FRMD4B: variants seen among roughly 807,000 people sequenced by gnomAD.
The protein encoded by FRMD4B is FERM domain containing 4B, also known as FERM domain-containing protein 4B.
FRMD4B carries 74 observed loss-of-function variants against 141.5 expected under a neutral mutation model. That is an observed-to-expected ratio of 0.52 (90% CI 0.43 to 0.63). FRMD4B has a LOEUF of 0.63. FRMD4B is among the 30% of genes least tolerant of loss of function. FRMD4B has a pLI of 0.00. For missense variants in FRMD4B, 1,366 were observed against 1,253.4 expected (o/e 1.09, Z -1.36); for synonymous variants, 506 against 467.9 (o/e 1.08, Z -1.05).
chr3:69,532,740 T>C (rs896591987), intron 1 of FRMD4B, among the ~76,000 whole-genome samples: 8 of 152,232 alleles, frequency 5.3e-5, no homozygotes, highest in African/African-American at 9.6e-5. Flanking sequence ...CATATGAGCC[T>C]TCTGCTCTTT....
At chr3:69,497,659 A>G (rs1706424408) in intron 1 of FRMD4B, among the ~76,000 whole-genome samples, 1 of 152,168 alleles carries the variant, frequency 6.6e-6, no homozygotes, top group African/African-American at 2.4e-5. Flanking sequence ...ACATGGTAAA[A>G]CACTTAGGAA....
intron 1 of FRMD4B, among the ~76,000 whole-genome samples, chr3:69,355,095 T>A (rs1703274736): frequency 6.6e-6 from 1 of 151,826 alleles, no homozygotes; most frequent in Non-Finnish European, 1.5e-5. Flanking sequence ...AAAAGTGCTA[T>A]ATAGCTCAAA....
At chr3:69,323,653 T>TATATATATAA (rs1553723964) in intron 1 of FRMD4B, among the ~76,000 whole-genome samples, 1 of 128,308 alleles carries the variant, frequency 7.8e-6, no homozygotes, top group African/African-American at 2.9e-5. Flanking sequence ...TATATATATA[T>TATATATATAA]GCGTTTTAAA....
intron 3 of FRMD4B, among the ~76,000 whole-genome samples, chr3:69,303,493 C>T (rs890909081): frequency 6.6e-6 from 1 of 151,960 alleles, no homozygotes; most frequent in Non-Finnish European, 1.5e-5. Context: ...TTACAAATAT[C>T]TGAGAGAAAA....
chr3:69,317,017 G>A (rs551575135), intron 1 of FRMD4B, among the ~76,000 whole-genome samples: 1 of 152,098 alleles, frequency 6.6e-6, no homozygotes, highest in Non-Finnish European at 1.5e-5. Flanking sequence ...CAGCTACTTG[G>A]GAGGCTGAGG....
chr3:69,399,206 T>C (rs1271656217), intron 2 of FRMD4B, among the ~76,000 whole-genome samples: 2 of 152,216 alleles, frequency 1.3e-5, no homozygotes, highest in Non-Finnish European at 2.9e-5. Flanking sequence ...TATTTGGTAC[T>C]TCGTTCATGG....
At chr3:69,200,393 A>T (rs933427544) in intron 11 of FRMD4B, 51 of 991,104 alleles carry the variant, frequency 5.1e-5, no homozygotes, top group Non-Finnish European at 5.3e-5. Flanking sequence ...ATCTCCACAA[A>T]CTTGAGGTTT....
intron 4 of FRMD4B, among the ~76,000 whole-genome samples, chr3:69,301,995 G>C (rs1426134273): frequency 6.6e-6 from 1 of 152,190 alleles, no homozygotes; most frequent in African/African-American, 2.4e-5. Context: ...ACATTTCAAA[G>C]AATGAGAATC....
chr3:69,311,287 A>G lies in FRMD4B; in HGVS notation c.299T>C (p.Phe100Ser). ...SHFNLKEKEY[F>S]GITFIDDTGQ... is the part of the protein sequence containing the mutation. ...CGTGTCATCTATGAATGTTATTCCA[A>G]AATACTCCTTTTCTTTCAGGTTGAA... Residue 100 changes from phenylalanine to serine, a missense_variant, in exon 3 of 23, where the codon TTT becomes TCT. Physicochemically the swap from Phe to Ser is radical, Grantham distance 155 (BLOSUM62 -2). Transcript: ENST00000398540. The G allele has an allele frequency of 6.4e-7, 1 of 1,570,060 alleles. No individual in the cohort carries two copies. Among genetic ancestry groups the G allele is most frequent in the South Asian group, 1.1e-5 (1 of 89,838 alleles).
chr3:69,391,867 C>T (rs1292194052), intron 2 of FRMD4B, among the ~76,000 whole-genome samples: 1 of 152,092 alleles, frequency 6.6e-6, no homozygotes, highest in African/African-American at 2.4e-5. Context: ...GCAGTAGTGC[C>T]CCAGTCATTA....
intron 9 of FRMD4B, among the ~76,000 whole-genome samples, chr3:69,220,879 T>C (rs1160688163): frequency 6.6e-6 from 1 of 151,896 alleles, no homozygotes; most frequent in Non-Finnish European, 1.5e-5. Context: ...AGCAAAGAAG[T>C]AGGAGTGTGA....
chr3:69,212,931 G>A (rs185356378), intron 11 of FRMD4B, among the ~76,000 whole-genome samples: 3 of 152,182 alleles, frequency 2.0e-5, no homozygotes, highest in African/African-American at 7.2e-5. Context: ...ACAGCATTTT[G>A]GTCTTGCAAA....
At chr3:69,482,511 G>C (rs1036537272) in intron 1 of FRMD4B, among the ~76,000 whole-genome samples, 2 of 152,112 alleles carry the variant, frequency 1.3e-5, no homozygotes, top group Non-Finnish European at 2.9e-5. Flanking sequence ...GGGGAATGGG[G>C]AGAAAAATGA....
chr3:69,234,887 G>A (rs989289508), intron 7 of FRMD4B, among the ~76,000 whole-genome samples: 3 of 152,170 alleles, frequency 2.0e-5, no homozygotes, highest in African/African-American at 7.2e-5. Flanking sequence ...GGTGGCTCAT[G>A]CCTGTAATCC....
At chr3:69,455,350 T>C (rs1705580003) in intron 1 of FRMD4B, among the ~76,000 whole-genome samples, 1 of 152,246 alleles carries the variant, frequency 6.6e-6, no homozygotes, top group Non-Finnish European at 1.5e-5. Context: ...TTGCTTGTTA[T>C]TTGGGTCTGC....
intron 1 of FRMD4B, among the ~76,000 whole-genome samples, chr3:69,531,112 T>C (rs1282833663): frequency 2.0e-5 from 3 of 152,232 alleles, no homozygotes; most frequent in Non-Finnish European, 2.9e-5. Flanking sequence ...GTAGGAGGAA[T>C]AATAATGATC....
chr3:69,287,696 CTGT>C (rs781693348), intron 5 of FRMD4B, 53 bp downstream of exon 5: 1 of 858,350 alleles, frequency 1.2e-6, no homozygotes, highest in Admixed American at 2.0e-5. Context: ...CCATTTCTTC[CTGT>C]CATCCCAGTC....
chr3:69,310,411 ATCT>A (rs1416060284), intron 3 of FRMD4B: 4 of 455,830 alleles, frequency 8.8e-6, no homozygotes, highest in African/African-American at 2.0e-5. Flanking sequence ...TCTGGAACAC[ATCT>A]TCTTGCATTT....
At chr3:69,221,480 G>T (rs2093194343) in intron 9 of FRMD4B, among the ~76,000 whole-genome samples, 1 of 152,130 alleles carries the variant, frequency 6.6e-6, no homozygotes, top group African/African-American at 2.4e-5. Flanking sequence ...TTCCCAATGA[G>T]ATAAGATTTA....
Sources: gnomAD v4.1 joint callset for allele counts (sites outside exome capture counted in the v4.1 genomes callset) on GRCh38, gnomAD v4.1.1 for gene constraint, MANE v1.5 for transcripts, NCBI Gene and HGNC (gene_info 2026-07-23, HGNC 2026-07-21) for gene names.